Variants in ARHGAP15 observed in about 807,000 individuals in gnomAD.
ARHGAP15 encodes the protein rho GTPase-activating protein 15.
ARHGAP15 carries 51 observed loss-of-function variants against 63.7 expected under a neutral mutation model. The observed-to-expected ratio is 0.80, with a 90% CI of 0.64 to 1.01. ARHGAP15 has a LOEUF of 1.01. ARHGAP15 is among the 50% of genes least tolerant of loss of function. ARHGAP15 has a pLI of 0.00. For missense variants in ARHGAP15, 560 were observed against 564.6 expected, an observed-to-expected ratio of 0.99 and a Z score of 0.08; for synonymous variants, 191 against 193.8, an observed-to-expected ratio of 0.99 and a Z score of 0.12.
intron 6 of ARHGAP15, among the ~76,000 whole-genome samples, chr2:143,346,286 A>T (rs1201012424): frequency 1.3e-5 from 2 of 151,084 alleles, no homozygotes; most frequent in East Asian, 3.9e-4. Flanking sequence ...TCACAAACAC[A>T]CCAGGGAGAG....
At chr2:143,207,477 G>GACAC (rs535134927) in intron 3 of ARHGAP15, among the ~76,000 whole-genome samples, 2 of 139,542 alleles carry the variant, frequency 1.4e-5, no homozygotes, top group East Asian at 2.1e-4. Context: ...CTCTCCCATT[G>GACAC]ACACACACAC....
intron 13 of ARHGAP15, among the ~76,000 whole-genome samples, chr2:143,748,991 A>C (rs1200288029): frequency 6.6e-6 from 1 of 151,994 alleles, no homozygotes; most frequent in Non-Finnish European, 1.5e-5. Context: ...CCTACAAGTC[A>C]GCTTTTGAGA....
chr2:143,288,171 T>G (rs1406000495), intron 6 of ARHGAP15, among the ~76,000 whole-genome samples: 2 of 152,174 alleles, frequency 1.3e-5, no homozygotes, highest in Non-Finnish European at 2.9e-5. Context: ...CCTCCCATGG[T>G]GACAGAAGGT....
chr2:143,246,908 G>A (rs755851776), intron 5 of ARHGAP15, among the ~76,000 whole-genome samples: 33 of 152,150 alleles, frequency 2.2e-4, no homozygotes, highest in African/African-American at 6.3e-4. Flanking sequence ...TGCAAGAGAC[G>A]GGCAAGGTCC....
chr2:143,493,698 G>A (rs1412494764), intron 9 of ARHGAP15, among the ~76,000 whole-genome samples: 1 of 152,020 alleles, frequency 6.6e-6, no homozygotes, highest in Non-Finnish European at 1.5e-5. Context: ...TCTCCAATTT[G>A]CACTGGTTGC....
In ARHGAP15 at chr2:143,685,553, G is replaced by A. The variant is rs540405374; in HGVS notation, c.1139-17866G>A. On this transcript the variant is annotated intron_variant, in intron 12 of 13. Transcript: ENST00000295095. The stretch of plus-strand genomic sequence containing the variant: ...CCTGGCATTCATACAGGCATCTGTC[G>A]CTTGCTCTAATGCCAGTTCATAGTA... Among the ~76,000 whole-genome samples, 43 of 152,248 alleles carry A rather than the reference G, an allele frequency of 2.8e-4. 1 individual carries two copies. Among genetic ancestry groups the A allele is most frequent in the Admixed American group, 1.3e-3 (20 of 15,298 alleles).
intron 11 of ARHGAP15, among the ~76,000 whole-genome samples, chr2:143,557,192 A>T (rs1164663099): frequency 1.3e-5 from 2 of 152,142 alleles, no homozygotes; most frequent in African/African-American, 2.4e-5. Context: ...CTATACACAA[A>T]TATTTACGGC....
At chr2:143,465,749 G>A (rs1346869031) in intron 8 of ARHGAP15, among the ~76,000 whole-genome samples, 2 of 150,604 alleles carry the variant, frequency 1.3e-5, no homozygotes, top group East Asian at 1.9e-4. Flanking sequence ...TTGACATGTC[G>A]GCCAATAAAA....
At chr2:143,430,601 T>C (rs575853893) in intron 6 of ARHGAP15, among the ~76,000 whole-genome samples, 1 of 152,192 alleles carries the variant, frequency 6.6e-6, no homozygotes, top group South Asian at 2.1e-4. Context: ...TATCTCCCTA[T>C]CATGTGTATA....
chr2:143,489,591 T>C (rs1236027714), intron 9 of ARHGAP15, among the ~76,000 whole-genome samples: 1 of 152,190 alleles, frequency 6.6e-6, no homozygotes, highest in Non-Finnish European at 1.5e-5. Flanking sequence ...TTTTTAAAAA[T>C]ACCTGGCTAG....
intron 6 of ARHGAP15, among the ~76,000 whole-genome samples, chr2:143,316,035 A>C (rs1051757339): frequency 1.3e-5 from 2 of 152,124 alleles, no homozygotes; most frequent in Admixed American, 1.3e-4. Flanking sequence ...CCAGCTAGCC[A>C]AGATGGCACC....
intron 6 of ARHGAP15, among the ~76,000 whole-genome samples, chr2:143,278,529 T>A (rs1681681345): frequency 6.6e-6 from 1 of 152,162 alleles, no homozygotes; most frequent in South Asian, 2.1e-4. Context: ...GCCCCTTTTT[T>A]AGACACTGAC....
chr2:143,736,791 T>C (rs1312945946), intron 13 of ARHGAP15, among the ~76,000 whole-genome samples: 1 of 152,200 alleles, frequency 6.6e-6, no homozygotes, highest in Admixed American at 6.5e-5. Context: ...TATTGTCATA[T>C]GAAATAGAAT....
chr2:143,195,258 A>G (rs917053812), intron 2 of ARHGAP15, among the ~76,000 whole-genome samples: 1 of 152,158 alleles, frequency 6.6e-6, no homozygotes, highest in Non-Finnish European at 1.5e-5. Context: ...AATGTCCACT[A>G]TGGCAATTGA....
At chr2:143,599,533 C>T (rs1697678523) in intron 11 of ARHGAP15, among the ~76,000 whole-genome samples, 1 of 151,948 alleles carries the variant, frequency 6.6e-6, no homozygotes, top group African/African-American at 2.4e-5. Flanking sequence ...CCCCTACCCC[C>T]GCCATCTACA....
intron 12 of ARHGAP15, among the ~76,000 whole-genome samples, chr2:143,703,171 G>C (rs112005045): frequency 7.5e-4 from 114 of 152,266 alleles, no homozygotes; most frequent in African/African-American, 2.5e-3. Flanking sequence ...AAGGAGAAAA[G>C]GTACAAAGGC....
chr2:143,153,883 T>A (rs1385278467), intron 1 of ARHGAP15, among the ~76,000 whole-genome samples: 5 of 126,038 alleles, frequency 4.0e-5, no homozygotes, highest in Admixed American at 1.7e-4. Flanking sequence ...TTCCTCCTCC[T>A]CCTCCTCCTC....
chr2:143,416,146 A>AAT (rs2105036919), intron 6 of ARHGAP15, among the ~76,000 whole-genome samples: 1 of 151,928 alleles, frequency 6.6e-6, no homozygotes. Flanking sequence ...AAAAAAAAAA[A>AAT]ACCTAGATGA....
intron 6 of ARHGAP15, among the ~76,000 whole-genome samples, chr2:143,333,555 T>C (rs1283335823): frequency 6.6e-6 from 1 of 152,208 alleles, no homozygotes; most frequent in Non-Finnish European, 1.5e-5. Flanking sequence ...CAAAGTAGTT[T>C]AACTTGTTGG....
Sources: gnomAD v4.1 joint callset for allele counts (sites outside exome capture counted in the v4.1 genomes callset) on GRCh38, gnomAD v4.1.1 for gene constraint, MANE v1.5 for transcripts, NCBI Gene and HGNC (gene_info 2026-07-23, HGNC 2026-07-21) for gene names.